DOCK3: variants seen among roughly 807,000 people sequenced by gnomAD.
The protein encoded by DOCK3 is dedicator of cytokinesis protein 3.
Under a neutral mutation model 265.6 loss-of-function variants are expected in DOCK3, and 60 were observed. That is an observed-to-expected ratio of 0.23 (90% CI 0.18 to 0.28). DOCK3 has a LOEUF of 0.28. Ranked by LOEUF, DOCK3 falls within the 10% of genes least tolerant of loss-of-function variation. The probability of loss-of-function intolerance (pLI) is 1.00; values close to 1 mark genes in which losing one functional copy is unlikely to be tolerated. For synonymous variants in DOCK3, 881 were observed against 938.0 expected, an observed-to-expected ratio of 0.94 and a Z score of 1.11; for missense variants, 1,981 against 2,594.3, an observed-to-expected ratio of 0.76 and a Z score of 5.14.
chr3:51,360,030 C>T (rs1471520008), intron 46 of DOCK3, among the ~76,000 whole-genome samples: 1 of 152,204 alleles, frequency 6.6e-6, no homozygotes, highest in Non-Finnish European at 1.5e-5. Flanking sequence ...ATTTTATGTT[C>T]TGTCTCCCCG....
chr3:51,380,513 C>T (rs977968124), intron 52 of DOCK3, among the ~76,000 whole-genome samples: 18 of 152,242 alleles, frequency 1.2e-4, no homozygotes, highest in African/African-American at 4.3e-4. Context: ...GGTATCAACA[C>T]ACTGTAGTTC....
intron 5 of DOCK3, among the ~76,000 whole-genome samples, chr3:50,948,891 G>C (rs1045120273): frequency 6.6e-6 from 1 of 152,204 alleles, no homozygotes; most frequent in Non-Finnish European, 1.5e-5. Context: ...AATATAGTAA[G>C]ACTGTGGTAT....
At chr3:50,949,325 A>G (rs2076529617) in intron 5 of DOCK3, among the ~76,000 whole-genome samples, 1 of 152,202 alleles carries the variant, frequency 6.6e-6, no homozygotes, top group African/African-American at 2.4e-5. Flanking sequence ...AAACAACCCA[A>G]CAAAAGAAGG....
At chr3:51,380,039 C>A in intron 51 of DOCK3, 86 bp from the exon 52 acceptor site, 2 of 1,329,152 alleles carry the variant, frequency 1.5e-6, no homozygotes, top group Middle Eastern at 2.1e-4. Context: ...TCTTCTCATG[C>A]CTGCCCAGTT....
chr3:51,380,110 C>CT lies in DOCK3; in HGVS notation c.5501-14dup. 1 of 1,611,400 alleles carries CT rather than the reference C, an allele frequency of 6.2e-7. No individual in the cohort carries two copies. Among genetic ancestry groups the CT allele is most frequent in the African/African-American group, 1.3e-5 (1 of 74,994 alleles). On this transcript the variant is annotated splice_polypyrimidine_tract_variant and intron_variant, in intron 51 of 52. Coordinates refer to ENST00000266037, the MANE Select transcript of DOCK3 (RefSeq NM_004947.5). ...AGGGCCCCCAGCTGAGGCTCTGGTT[C>CT]TGTTCCCTTTGCAGGTCATTACTCC...
At chr3:51,219,435 CAA>C (rs2089967093) in intron 14 of DOCK3, among the ~76,000 whole-genome samples, 2 of 152,042 alleles carry the variant, frequency 1.3e-5, no homozygotes, top group Admixed American at 6.6e-5. Context: ...GGGTAACTGA[CAA>C]GACATAAAAA....
intron 9 of DOCK3, among the ~76,000 whole-genome samples, chr3:51,146,054 C>G (rs564094428): frequency 6.6e-6 from 1 of 152,204 alleles, no homozygotes; most frequent in South Asian, 2.1e-4. Context: ...GGCCCAGTTC[C>G]TCACAGGCCA....
chr3:51,117,933 A>G (rs1027400702), intron 9 of DOCK3, among the ~76,000 whole-genome samples: 4 of 152,136 alleles, frequency 2.6e-5, no homozygotes, highest in Non-Finnish European at 4.4e-5. Flanking sequence ...GATTTTTTGA[A>G]GAGAATTTTG....
chr3:50,766,735 A>G (rs2040905220), intron 1 of DOCK3, among the ~76,000 whole-genome samples: 1 of 152,222 alleles, frequency 6.6e-6, no homozygotes, highest in Admixed American at 6.5e-5. Flanking sequence ...TTACAGTCCC[A>G]CCAACAGCGT....
intron 2 of DOCK3, among the ~76,000 whole-genome samples, chr3:50,824,849 T>G (rs2044665483): frequency 6.6e-6 from 1 of 152,208 alleles, no homozygotes; most frequent in African/African-American, 2.4e-5. Context: ...CATTCCAATT[T>G]TTCTCTTACA....
At chr3:51,224,160 TCA>T (rs1293589948) in intron 14 of DOCK3, among the ~76,000 whole-genome samples, 1 of 152,234 alleles carries the variant, frequency 6.6e-6, no homozygotes, top group African/African-American at 2.4e-5. Flanking sequence ...AAGATGGCTT[TCA>T]CACATTAGGG....
chr3:50,923,057 G>T (rs1266191751), intron 4 of DOCK3, among the ~76,000 whole-genome samples: 1 of 152,130 alleles, frequency 6.6e-6, no homozygotes, highest in Non-Finnish European at 1.5e-5. Context: ...TAGAATAATA[G>T]ACTTCAGTCT....
chr3:50,768,717 G>T (rs2108452428), intron 1 of DOCK3, among the ~76,000 whole-genome samples: 1 of 152,274 alleles, frequency 6.6e-6, no homozygotes, highest in East Asian at 1.9e-4. Context: ...CATTAAACAT[G>T]GGAGTGCAGA....
intron 2 of DOCK3, among the ~76,000 whole-genome samples, chr3:50,804,720 G>A (rs2043304862): frequency 6.6e-6 from 1 of 151,808 alleles, no homozygotes; most frequent in African/African-American, 2.4e-5. Context: ...GCATCAGAGG[G>A]AGACCGTGGA....
chr3:50,709,498 C>T (rs2036619270), intron 1 of DOCK3, among the ~76,000 whole-genome samples: 1 of 152,138 alleles, frequency 6.6e-6, no homozygotes, highest in Admixed American at 6.6e-5. Flanking sequence ...CAGTCCTTCA[C>T]CATTAATTAT....
chr3:50,709,007 A>G (rs976273870), intron 1 of DOCK3, among the ~76,000 whole-genome samples: 1 of 152,224 alleles, frequency 6.6e-6, no homozygotes, highest in Non-Finnish European at 1.5e-5. Flanking sequence ...TTATTCGAGT[A>G]AAGCATTCTT....
chr3:50,770,780 T>C (rs936823400), intron 1 of DOCK3, among the ~76,000 whole-genome samples: 13 of 152,162 alleles, frequency 8.5e-5, no homozygotes, highest in Non-Finnish European at 1.5e-4. Flanking sequence ...GTACCTTAAC[T>C]GGCAGGTTAG....
intron 10 of DOCK3, among the ~76,000 whole-genome samples, chr3:51,150,246 G>A (rs2085513665): frequency 6.6e-6 from 1 of 151,476 alleles, no homozygotes; most frequent in African/African-American, 2.4e-5. Flanking sequence ...TATTAGTCTT[G>A]CTAGCGGTTT....
intron 9 of DOCK3, among the ~76,000 whole-genome samples, chr3:51,106,862 A>ATGGCCCACT (rs2083302079): frequency 6.6e-6 from 1 of 152,236 alleles, no homozygotes; most frequent in Admixed American, 6.5e-5. Flanking sequence ...CCAGCAGACA[A>ATGGCCCACT]GTGTGCTCCC....
Sources: gnomAD v4.1 joint callset for allele counts (sites outside exome capture counted in the v4.1 genomes callset) on GRCh38, gnomAD v4.1.1 for gene constraint, MANE v1.5 for transcripts, NCBI Gene and HGNC (gene_info 2026-07-23, HGNC 2026-07-21) for gene names.